Variants in LRRFIP2 observed in about 807,000 individuals in gnomAD.
The protein encoded by LRRFIP2 is LRR binding FLII interacting protein 2.
Under a neutral mutation model 125.9 loss-of-function variants are expected in LRRFIP2, and 109 were observed. The observed-to-expected ratio is 0.87, with a 90% CI of 0.74 to 1.01. The LOEUF (loss-of-function observed/expected upper bound fraction) is 1.01, where lower values mean the gene tolerates loss of function less well. Among genes scored for constraint, LRRFIP2 ranks in the 50% least tolerant of loss-of-function variants. The pLI is 0.00. For missense variants in LRRFIP2, 850 were observed against 862.3 expected (o/e 0.99, Z 0.18); for synonymous variants, 291 against 293.1 (o/e 0.99, Z 0.07).
rs924169675 is a variant in LRRFIP2, at chr3:37,129,098, T to C, written c.142A>G (p.Ile48Val). The C allele has an allele frequency of 1.2e-6, 2 of 1,614,052 alleles. No homozygotes were observed. Among genetic ancestry groups the C allele is most frequent in the Admixed American group, 3.3e-5 (2 of 60,016 alleles). The change falls in exon 3 of 28, where the codon ATA (isoleucine) becomes GTA (valine). Residue 48 changes from isoleucine to valine, a missense_variant. By Grantham distance (29) the Ile-to-Val change is conservative. Coordinates refer to ENST00000336686, the MANE Select transcript of LRRFIP2 (RefSeq NM_006309.4). ...KRAARAEARD[I>V]RMRELERQQK... ...TGTCGTTCCAGTTCTCTCATGCGTA[T>C]ATCTCTTGCTTCTGCCCGGGCAGCC...
chr3:37,102,456 A>G (rs2094114149), intron 15 of LRRFIP2, among the ~76,000 whole-genome samples: 3 of 152,158 alleles, frequency 2.0e-5, no homozygotes, highest in Non-Finnish European at 4.4e-5. Context: ...ATACATTCCA[A>G]AACAGAGCAA....
intron 1 of LRRFIP2, among the ~76,000 whole-genome samples, chr3:37,159,989 CAAAAAAAA>C (rs58005486): frequency 2.3e-4 from 11 of 46,950 alleles, no homozygotes; most frequent in African/African-American, 6.2e-4. Context: ...GCCCTATGCG[CAAAAAAAA>C]AAAAAAAAAA....
At chr3:37,157,728 G>C (rs750160100) in intron 1 of LRRFIP2, among the ~76,000 whole-genome samples, 18 of 151,982 alleles carry the variant, frequency 1.2e-4, no homozygotes, top group Admixed American at 2.0e-4. Flanking sequence ...AATATATACA[G>C]GCAAAACTGG....
intron 1 of LRRFIP2, among the ~76,000 whole-genome samples, chr3:37,162,759 C>T (rs542470131): frequency 6.6e-6 from 1 of 152,270 alleles, no homozygotes; most frequent in South Asian, 2.1e-4. Flanking sequence ...CAATATGACT[C>T]AAGAGACATA....
chr3:37,151,307 C>T (rs1268176679), intron 1 of LRRFIP2, among the ~76,000 whole-genome samples: 2 of 151,716 alleles, frequency 1.3e-5, no homozygotes, highest in South Asian at 2.1e-4. Flanking sequence ...TGCAGTGAAC[C>T]GAGATCGTGC....
chr3:37,114,298 A>G (rs2149470061), intron 7 of LRRFIP2, among the ~76,000 whole-genome samples: 1 of 152,328 alleles, frequency 6.6e-6, no homozygotes. Flanking sequence ...ATGTTTGGAC[A>G]TAACTGATGT....
chr3:37,095,015 TGAA>T (rs2093650839), intron 16 of LRRFIP2, 107 bp from the exon 17 acceptor site: 1 of 736,416 alleles, frequency 1.4e-6, no homozygotes, highest in Admixed American at 2.0e-5. Flanking sequence ...GGGTTTCAGA[TGAA>T]GAAGTTACCA....
intron 1 of LRRFIP2, among the ~76,000 whole-genome samples, chr3:37,151,303 G>A (rs575814761): frequency 3.3e-5 from 5 of 151,534 alleles, no homozygotes; most frequent in African/African-American, 9.7e-5. Context: ...AGATTGCAGT[G>A]AACCGAGATC....
At chr3:37,113,800 T>C (rs544958002) in intron 7 of LRRFIP2, among the ~76,000 whole-genome samples, 3 of 152,332 alleles carry the variant, frequency 2.0e-5, no homozygotes, top group East Asian at 3.9e-4. Context: ...CAACATGGTA[T>C]GGATTGCCCA....
intron 19 of LRRFIP2, 91 bp from the exon 20 acceptor site, chr3:37,075,207 TC>T: frequency 1.4e-6 from 1 of 717,150 alleles, no homozygotes; most frequent in Non-Finnish European, 2.3e-6. Flanking sequence ...AAGTATGACC[TC>T]CAGAAACATG....
chr3:37,081,635 G>A (rs1011539766), intron 19 of LRRFIP2, among the ~76,000 whole-genome samples: 2 of 152,106 alleles, frequency 1.3e-5, no homozygotes, highest in African/African-American at 4.8e-5. Context: ...TGTAATCTCA[G>A]CACTGTGGGA....
At chr3:37,171,372 C>G (rs946224671) in intron 1 of LRRFIP2, among the ~76,000 whole-genome samples, 1 of 152,164 alleles carries the variant, frequency 6.6e-6, no homozygotes, top group African/African-American at 2.4e-5. Flanking sequence ...TCAAAATAGA[C>G]CCTGGGCACA....
At chr3:37,091,424 C>T in intron 18 of LRRFIP2, 43 bp downstream of exon 18, 1 of 1,513,462 alleles carries the variant, frequency 6.6e-7, no homozygotes, top group Non-Finnish European at 9.0e-7. Flanking sequence ...GCCAACACTT[C>T]TGCATACAGA....
intron 4 of LRRFIP2, among the ~76,000 whole-genome samples, chr3:37,126,175 G>A (rs761309213): frequency 2.6e-5 from 4 of 151,972 alleles, no homozygotes; most frequent in Non-Finnish European, 5.9e-5. Context: ...GATTACAGGC[G>A]CCCGCCAGCG....
intron 21 of LRRFIP2, chr3:37,067,499 A>G (rs142881020): frequency 2.6e-5 from 4 of 152,302 alleles, no homozygotes; most frequent in South Asian, 4.1e-4. Flanking sequence ...AAGTTAAACT[A>G]TATCAGGTAA....
At chr3:37,123,191 G>C (rs2095133243) in intron 4 of LRRFIP2, among the ~76,000 whole-genome samples, 1 of 152,084 alleles carries the variant, frequency 6.6e-6, no homozygotes, top group South Asian at 2.1e-4. Flanking sequence ...TGTTGTTGTT[G>C]TTGTTGTTGT....
At chr3:37,079,733 T>C (rs1229371133) in intron 19 of LRRFIP2, among the ~76,000 whole-genome samples, 1 of 152,138 alleles carries the variant, frequency 6.6e-6, no homozygotes, top group Non-Finnish European at 1.5e-5. Context: ...AAATGGAATA[T>C]TAATAGGCTA....
chr3:37,116,604 T>C (rs1222161328), intron 6 of LRRFIP2, among the ~76,000 whole-genome samples: 4 of 152,236 alleles, frequency 2.6e-5, no homozygotes, highest in Non-Finnish European at 4.4e-5. Flanking sequence ...TACTGACTTA[T>C]GGTGTAAAAT....
intron 2 of LRRFIP2, among the ~76,000 whole-genome samples, chr3:37,140,125 C>T (rs1447421064): frequency 1.3e-5 from 2 of 152,176 alleles, no homozygotes; most frequent in Non-Finnish European, 2.9e-5. Context: ...TCTCTCATCT[C>T]TCTCCTTCAG....
Sources: gnomAD v4.1 joint callset for allele counts (sites outside exome capture counted in the v4.1 genomes callset) on GRCh38, gnomAD v4.1.1 for gene constraint, MANE v1.5 for transcripts, NCBI Gene and HGNC (gene_info 2026-07-23, HGNC 2026-07-21) for gene names.